The following CORO7 variants were observed in gnomAD, a reference collection of about 807,000 sequenced individuals.
CORO7 encodes the protein coronin-7.
Under a neutral mutation model 126.6 loss-of-function variants are expected in CORO7, and 107 were observed. The observed-to-expected ratio is 0.85, with a 90% CI of 0.72 to 0.99. The LOEUF (loss-of-function observed/expected upper bound fraction) is 0.99. Among genes scored for constraint, CORO7 ranks in the 50% least tolerant of loss-of-function variants. CORO7 has a pLI of 0.00. For synonymous variants in CORO7, 603 were observed against 536.8 expected (o/e 1.12, Z -1.70); for missense variants, 1,314 against 1,255.8 (o/e 1.05, Z -0.70).
intron 3 of CORO7, among the ~76,000 whole-genome samples, 165 bp downstream of exon 3, chr16:4,412,191 G>C (rs1170628039): frequency 1.3e-5 from 2 of 152,132 alleles, no homozygotes; most frequent in African/African-American, 2.4e-5. Flanking sequence ...TCTACACCAG[G>C]AGGAAGCCTT....
intron 6 of CORO7, among the ~76,000 whole-genome samples, chr16:4,402,062 C>A (rs1262001037): frequency 1.3e-5 from 2 of 151,784 alleles, no homozygotes; most frequent in Non-Finnish European, 2.9e-5. Flanking sequence ...CCACAGCCTC[C>A]CAAGTAGCTG....
At position 4,359,168 on chromosome 16, in the gene CORO7, C is replaced by CCCCAGG. The variant is rs2054076382; in HGVS notation, c.2340+122_2340+127dup. ...TCTTCTTGCCAGTCACTGGGCACAG[C>CCCCAGG]CCCAGGCCCAGCCCCAGCCCAGGAC... On this transcript the variant is annotated intron_variant, in intron 23 of 27. Transcript: ENST00000251166. 3.7e-5 allele frequency: 39 copies of CCCCAGG among 1,063,596 alleles called. No homozygotes were observed. In the South Asian group the frequency reaches 5.1e-4, roughly 14 times the overall value. 65.9% of individuals were successfully genotyped at this position (1,063,596 alleles called of 1,614,324 possible).
chr16:4,373,609 C>G (rs1346904042), intron 9 of CORO7, among the ~76,000 whole-genome samples: 2 of 152,294 alleles, frequency 1.3e-5, no homozygotes, highest in East Asian at 3.9e-4. Context: ...AAGGGAGATG[C>G]CCCGGGCAGG....
chr16:4,382,609 A>T, intron 9 of CORO7: 3 of 1,587,890 alleles, frequency 1.9e-6, no homozygotes, highest in Non-Finnish European at 2.6e-6. Flanking sequence ...GCCGCTCCTC[A>T]TTGCGCCCGC....
At chr16:4,393,201 G>C (rs1056714107) in intron 7 of CORO7, among the ~76,000 whole-genome samples, 1 of 152,224 alleles carries the variant, frequency 6.6e-6, no homozygotes, top group African/African-American at 2.4e-5. Context: ...CTGGGCTCTG[G>C]AGAGGAGAGT....
rs761881840 is a variant in CORO7 at position 4,360,362 on chromosome 16, T to A, written c.2024A>T (p.Glu675Val). ...RPRSGPEPLQ[E>V]GPGPKGGRGA... ...GCGTCCTCCCTTGGGCCCTGGGCCT[T>A]CCTGTTGAGATACATCGCGTGACAC... Residue 675 changes from glutamate to valine, a missense_variant and splice_region_variant, in exon 21 of 28, where the codon GAA becomes GTA. Glu to Val is a moderately radical substitution (Grantham distance 121). Coordinates refer to ENST00000251166, the MANE Select transcript of CORO7 (RefSeq NM_024535.5). 3.7e-6 allele frequency: 6 copies of A among 1,613,500 alleles called. No homozygotes were observed. Among genetic ancestry groups the A allele is most frequent in the Non-Finnish European group, 5.1e-6 (6 of 1,179,952 alleles).
At position 4,416,566 on chromosome 16, in the gene CORO7, G is replaced by A. The variant is rs2141347669; in HGVS notation, c.-48C>T. 1.3e-6 allele frequency: 2 copies of A among 1,566,760 alleles called. No individual in the cohort carries two copies. Among genetic ancestry groups the A allele is most frequent in the African/African-American group, 1.4e-5 (1 of 70,642 alleles). ...GCGTCTTCGAGGACCCCGGGCGTCG[G>A]GTCTCAGGTGCACGCTGAGCAACCG... On this transcript the variant is annotated 5_prime_UTR_variant, in exon 1 of 28. Transcript: ENST00000251166.
intron 19 of CORO7, 104 bp downstream of exon 19, chr16:4,360,839 T>TCTCCTCACTGCTGGCCCCGCCA (rs1327775720): frequency 2.9e-5 from 42 of 1,436,496 alleles, no homozygotes; most frequent in Admixed American, 2.6e-4. Flanking sequence ...TGGTCCTGCC[T>TCTCCTCACTGCTGGCCCCGCCA]CTCCTCACTG....
intron 9 of CORO7, chr16:4,382,151 G>A (rs768160378): frequency 2.1e-5 from 34 of 1,591,464 alleles, no homozygotes; most frequent in Middle Eastern, 1.7e-4. Flanking sequence ...CTGGGGACAC[G>A]GCACCACCTG....
intron 9 of CORO7, among the ~76,000 whole-genome samples, chr16:4,366,143 G>GC (rs1407012908): frequency 1.3e-5 from 2 of 152,176 alleles, no homozygotes; most frequent in African/African-American, 4.8e-5. Context: ...TGAGCCACGT[G>GC]CCCGGGAGAA....
At chr16:4,369,323 G>A (rs115845959) in intron 9 of CORO7, among the ~76,000 whole-genome samples, 3 of 152,256 alleles carry the variant, frequency 2.0e-5, no homozygotes, top group Admixed American at 6.5e-5. Flanking sequence ...TGTGTGAAGA[G>A]AGCCAAGCTG....
In CORO7 at chr16:4,365,514, C is replaced by G; in HGVS notation, c.817G>C (p.Gly273Arg). ...ACCTTTCCTGCCAGGACCAGGAGCCCAGAGTCAGGGTCCAGCAGAGGCACG... is the reference window on the plus strand; with the variant it reads ...ACCTTTCCTGCCAGGACCAGGAGCCGAGAGTCAGGGTCCAGCAGAGGCACG... ...CLVPLLDPDSGLLVLAGKGER... is the reference protein window; with the variant it reads ...CLVPLLDPDSRLLVLAGKGER... The change falls in exon 10 of 28, where the codon GGG (glycine) becomes CGG (arginine). Residue 273 changes from glycine (G) to arginine (R), a missense_variant. Gly to Arg is a moderately radical substitution (Grantham distance 125, BLOSUM62 -2). Coordinates refer to ENST00000251166, the MANE Select transcript of CORO7 (RefSeq NM_024535.5). 6.3e-7 allele frequency: 1 copy of G among 1,579,476 alleles called. No individual in the cohort carries two copies. The highest frequency in any genetic ancestry group is 1.3e-5 in the African/African-American group (1 of 74,096).
At chr16:4,412,676 G>A (rs2056257980) in intron 2 of CORO7, 2 of 529,240 alleles carry the variant, frequency 3.8e-6, no homozygotes, top group South Asian at 2.6e-5. Flanking sequence ...TTTTTAACAC[G>A]GGTCATACGA....
chr16:4,367,552 T>G (rs2054385699), intron 9 of CORO7, among the ~76,000 whole-genome samples: 1 of 151,714 alleles, frequency 6.6e-6, no homozygotes, highest in Admixed American at 6.6e-5. Flanking sequence ...GACAAACATG[T>G]GAAGGGAAGG....
chr16:4,405,310 C>A (rs1330633639), intron 6 of CORO7, among the ~76,000 whole-genome samples, 181 bp downstream of exon 6: 2 of 152,232 alleles, frequency 1.3e-5, no homozygotes, highest in African/African-American at 4.8e-5. Context: ...AAGGTAGGGG[C>A]TTCCAGATGT....
intron 23 of CORO7, chr16:4,358,796 C>T (rs1177806924): frequency 1.7e-5 from 6 of 348,772 alleles, no homozygotes; most frequent in South Asian, 8.8e-5. Flanking sequence ...TGCACTCCAA[C>T]ACAGAAACAT....
In CORO7 at chr16:4,362,911, G is replaced by A. The variant is rs944766777; in HGVS notation, c.1276-173C>T. Reference sequence around the variant, plus strand: ...CACGGGCATAAACGCAGACACACAGGGAAGCAGCCGAGCTTCAGACCGCGG... The same window carrying A: ...CACGGGCATAAACGCAGACACACAGAGAAGCAGCCGAGCTTCAGACCGCGG... On this transcript the variant is annotated intron_variant, in intron 14 of 27. Coordinates refer to ENST00000251166, the MANE Select transcript of CORO7 (RefSeq NM_024535.5). This position sits in a 1 kb window ranked among gnomAD's most constrained non-coding sequence, Gnocchi z 5.3. The A allele has an allele frequency of 1.4e-6, 1 of 734,294 alleles. No individual in the cohort carries two copies. The highest frequency in any genetic ancestry group is 1.9e-6 in the Non-Finnish European group (1 of 532,084). The allele number at this position is 734,294 out of a possible 1,614,324, so 45.5% of individuals were successfully genotyped here.
intron 19 of CORO7, among the ~76,000 whole-genome samples, 154 bp downstream of exon 19, chr16:4,360,789 C>G (rs1298786081): frequency 6.8e-6 from 1 of 146,816 alleles, no homozygotes; most frequent in Non-Finnish European, 1.5e-5. Context: ...TCACCACTGG[C>G]CCCCCTCTCC....
Position 4,401,911 on chromosome 16 carries a change from CT to C in CORO7, c.564+3579del, listed in dbSNP as rs58167321. ...GAGCCCCCTATGGTTTCTTTTTTTC[CT>C]TTTTTTTTTTTTTTGAGGTTTTAGT... On this transcript the variant is annotated intron_variant, in intron 6 of 27. Coordinates refer to ENST00000251166, the MANE Select transcript of CORO7 (RefSeq NM_024535.5). Among the ~76,000 whole-genome samples, 1,387 of 139,756 alleles carry C rather than the reference CT, an allele frequency of 9.9e-3. 11 individuals are homozygous for C. The highest frequency in any genetic ancestry group is 0.02 in the African/African-American group (752 of 38,164). 91.7% of individuals were successfully genotyped at this position (139,756 alleles called of 152,430 possible).
Sources: allele counts gnomAD v4.1 joint callset (sites outside exome capture counted in the v4.1 genomes callset), GRCh38; gene constraint gnomAD v4.1.1; non-coding constraint Gnocchi (gnomAD v3.1); transcripts MANE v1.5; gene names NCBI Gene and HGNC (gene_info 2026-07-23, HGNC 2026-07-21).